The following GBF1 variants were observed in gnomAD, a reference collection of about 807,000 sequenced individuals.
The protein encoded by GBF1 is Golgi-specific brefeldin A-resistance guanine nucleotide exchange factor 1.
A neutral mutation model predicts 210.5 loss-of-function variants in GBF1; 114 were observed. The ratio of observed to expected loss-of-function variants is 0.54; its 90% CI spans 0.47 to 0.63. The LOEUF is 0.63. Among genes scored for constraint, GBF1 ranks in the 30% least tolerant of loss-of-function variants. The probability of loss-of-function intolerance (pLI) is 0.00; values close to 1 mark genes in which losing one functional copy is unlikely to be tolerated. For synonymous variants in GBF1, 850 were observed against 889.2 expected (o/e 0.96, Z 0.78); for missense variants, 1,851 against 2,357.7 (o/e 0.79, Z 4.45).
intron 3 of GBF1, among the ~76,000 whole-genome samples, chr10:102,338,612 G>A (rs2057944139): frequency 2.0e-5 from 3 of 151,934 alleles, no homozygotes; most frequent in African/African-American, 7.3e-5. Context: ...ATAGGAGTGA[G>A]ACTAGTCCAT....
intron 3 of GBF1, among the ~76,000 whole-genome samples, chr10:102,269,094 T>G (rs1338430100): frequency 6.6e-6 from 1 of 152,224 alleles, no homozygotes; most frequent in Non-Finnish European, 1.5e-5. Flanking sequence ...CTTCTGGCTG[T>G]CTGTTGGCTG....
At chr10:102,336,989 T>G (rs561638565) in intron 3 of GBF1, among the ~76,000 whole-genome samples, 1 of 152,182 alleles carries the variant, frequency 6.6e-6, no homozygotes, top group Non-Finnish European at 1.5e-5. Flanking sequence ...TATAACAATG[T>G]GACAGTAGTT....
chr10:102,270,400 G>A (rs1028196289), intron 3 of GBF1, among the ~76,000 whole-genome samples: 1 of 151,934 alleles, frequency 6.6e-6, no homozygotes, highest in Non-Finnish European at 1.5e-5. Context: ...GAACTCCCTC[G>A]GCCTCCCAAA....
chr10:102,372,844 G>A (rs1232857509), intron 29 of GBF1, among the ~76,000 whole-genome samples: 2 of 152,182 alleles, frequency 1.3e-5, no homozygotes, highest in African/African-American at 2.4e-5. Context: ...TCAGGATCTA[G>A]AGCTAAGCAA....
chr10:102,382,261 C>G lies in GBF1; in HGVS notation c.5508C>G (p.Ile1836Met). ...TLPIILNPAL[I>M]EATSPVPLLA... ...CCATCATCCTCAACCCTGCGCTCAT[C>G]GAGGCCACCTCACCAGTGCCCCTCC... Residue 1836 changes from isoleucine to methionine, a missense_variant, in exon 40 of 40, where the codon ATC (isoleucine) becomes ATG (methionine). Ile to Met is a conservative substitution (Grantham distance 10, BLOSUM62 1). Transcript: ENST00000369983. 29 of 1,614,008 alleles carry G rather than the reference C, an allele frequency of 1.8e-5. No individual in the cohort carries two copies. Among genetic ancestry groups the G allele is most frequent in the Non-Finnish European group, 2.5e-5 (29 of 1,179,900 alleles).
At chr10:102,243,877 C>A (rs2070620515), upstream of GBF1, among the ~76,000 whole-genome samples, 1 of 152,164 alleles carries the variant, frequency 6.6e-6, no homozygotes, top group South Asian at 2.1e-4. Flanking sequence ...CACCTGTAAT[C>A]TCAACACTTT....
chr10:102,290,663 T>C (rs2076359581), intron 3 of GBF1, among the ~76,000 whole-genome samples: 1 of 152,080 alleles, frequency 6.6e-6, no homozygotes, highest in South Asian at 2.1e-4. Context: ...CACTCCTGGC[T>C]AATTTCTATA....
chr10:102,233,935 G>A, the GBF1 span, among the ~76,000 whole-genome samples: 1 of 152,188 alleles, frequency 6.6e-6, no homozygotes, highest in Non-Finnish European at 1.5e-5. Flanking sequence ...TCTGCTGCGA[G>A]GAAGGGAAAT....
At chr10:102,294,836 CT>C (rs1237839782) in intron 3 of GBF1, among the ~76,000 whole-genome samples, 3 of 152,100 alleles carry the variant, frequency 2.0e-5, no homozygotes, top group Non-Finnish European at 4.4e-5. Context: ...ACCATATAGC[CT>C]AGATATGTAG....
intron 3 of GBF1, among the ~76,000 whole-genome samples, chr10:102,296,198 A>G (rs1393774792): frequency 6.6e-6 from 1 of 152,226 alleles, no homozygotes; most frequent in Non-Finnish European, 1.5e-5. Context: ...GGGGAAAGCT[A>G]GAACTCAGGT....
the GBF1 span, among the ~76,000 whole-genome samples, chr10:102,233,257 G>A: frequency 6.7e-5 from 10 of 150,268 alleles, no homozygotes; most frequent in Admixed American, 4.6e-4. Flanking sequence ...GGGCAGCGCT[G>A]CTTTGGTCTG....
At chr10:102,379,799 C>A in intron 35 of GBF1, 54 bp from the exon 36 acceptor site, 1 of 1,513,298 alleles carries the variant, frequency 6.6e-7, no homozygotes, top group Non-Finnish European at 9.2e-7. Context: ...TTCCTTGGGG[C>A]AAGGCTGCCT....
At chr10:102,265,176 CTAGA>C (rs1338505416) in intron 3 of GBF1, among the ~76,000 whole-genome samples, 1 of 152,198 alleles carries the variant, frequency 6.6e-6, no homozygotes, top group Non-Finnish European at 1.5e-5. Flanking sequence ...TGTTCCCAGA[CTAGA>C]TAAATTCTTG....
intron 17 of GBF1, among the ~76,000 whole-genome samples, chr10:102,364,504 G>A (rs1244019140): frequency 3.3e-5 from 5 of 150,908 alleles, no homozygotes; most frequent in East Asian, 4.0e-4. Context: ...GATTACAGTC[G>A]TGAGCCACCA....
At chr10:102,282,986 G>A (rs568700614) in intron 3 of GBF1, among the ~76,000 whole-genome samples, 34 of 152,200 alleles carry the variant, frequency 2.2e-4, no homozygotes, top group South Asian at 1.0e-3. Flanking sequence ...GTAAAGTAGC[G>A]GGTTACTAAT....
intron 3 of GBF1, among the ~76,000 whole-genome samples, chr10:102,276,638 A>G (rs973770905): frequency 2.0e-5 from 3 of 152,068 alleles, no homozygotes; most frequent in Admixed American, 6.6e-5. Context: ...AGATGGTGCC[A>G]GGGTCCTAAG....
intron 29 of GBF1, among the ~76,000 whole-genome samples, chr10:102,372,445 G>T (rs1263276464): frequency 2.6e-5 from 4 of 152,112 alleles, no homozygotes; most frequent in Admixed American, 2.0e-4. Context: ...AACCTGGGAG[G>T]CAGAGGTTGT....
At chr10:102,343,333 C>A (rs755604143) in intron 3 of GBF1, among the ~76,000 whole-genome samples, 1 of 152,146 alleles carries the variant, frequency 6.6e-6, no homozygotes, top group African/African-American at 2.4e-5. Context: ...ACCTTGGGAC[C>A]TAAGGGTCGC....
At chr10:102,340,687 C>A (rs1398041993) in intron 3 of GBF1, among the ~76,000 whole-genome samples, 1 of 152,100 alleles carries the variant, frequency 6.6e-6, no homozygotes, top group Non-Finnish European at 1.5e-5. Flanking sequence ...GGGACCAGTG[C>A]CCAACCTGGT....
Sources: allele counts gnomAD v4.1 joint callset (sites outside exome capture counted in the v4.1 genomes callset), GRCh38; gene constraint gnomAD v4.1.1; transcripts MANE v1.5; gene names NCBI Gene and HGNC (gene_info 2026-07-23, HGNC 2026-07-21).